Variants in EIF4G2 observed in about 807,000 individuals in gnomAD.
EIF4G2 encodes the protein DAP-5.
EIF4G2 carries 8 observed loss-of-function variants against 117.7 expected under a neutral mutation model. That is an observed-to-expected ratio of 0.07 (90% CI 0.04 to 0.12). EIF4G2 has a LOEUF of 0.12. Among genes scored for constraint, EIF4G2 ranks in the 10% least tolerant of loss-of-function variants. The pLI is 1.00. For synonymous variants in EIF4G2, 413 were observed against 367.8 expected (o/e 1.12, Z -1.41); for missense variants, 812 against 1,086.2 (o/e 0.75, Z 3.55).
intron 14 of EIF4G2, 110 bp from the exon 15 acceptor site, chr11:10,801,197 C>G: frequency 6.8e-7 from 1 of 1,474,932 alleles, no homozygotes; most frequent in South Asian, 1.4e-5. Flanking sequence ...AAACATTAAG[C>G]TTTTTGAAAA....
rs764439302 is a variant in EIF4G2, at chr11:10,804,219, T to C, written c.484-16A>G. 100 of 1,613,372 alleles carry C rather than the reference T, an allele frequency of 6.2e-5. No individual in the cohort carries two copies. Among genetic ancestry groups the C allele is most frequent in the Middle Eastern group, 1.6e-4 (1 of 6,084 alleles). On this transcript the variant is annotated splice_polypyrimidine_tract_variant and intron_variant, in intron 6 of 21. Transcript: ENST00000339995. ...GTCTGAATGTCTGGAAAAGAAGACA[T>C]TGTCATGCTTTATTAAGGAAATTTT...
At chr11:10,807,733 A>C in intron 1 of EIF4G2, 6 of 992,966 alleles carry the variant, frequency 6.0e-6, no homozygotes, top group African/African-American at 1.7e-5. Context: ...CTGCCCTAGG[A>C]ATTTTTACTG....
intron 19 of EIF4G2, 27 bp from the exon 20 acceptor site, chr11:10,799,451 C>A: frequency 1.9e-6 from 3 of 1,610,922 alleles, no homozygotes; most frequent in South Asian, 2.2e-5. Flanking sequence ...CTTGTTAGAA[C>A]CCAACAGTGA....
Position 10,802,352 on chromosome 11 carries a change from C to T in EIF4G2, c.1080G>A (p.Arg360=). Reference sequence around the variant, plus strand: ...CAAGTGGGTCCCTATCCATTTTCATCCTGGGTGGCATGAACGGTCCCTCCA... The same window carrying T: ...CAAGTGGGTCCCTATCCATTTTCATTCTGGGTGGCATGAACGGTCCCTCCA... The change falls in exon 12 of 22, where the codon AGG becomes AGA. Residue 360 remains arginine (R), a synonymous_variant. Coordinates refer to ENST00000339995, the MANE Select transcript of EIF4G2 (RefSeq NM_001418.4). 6.2e-7 allele frequency: 1 copy of T among 1,614,010 alleles called. No homozygotes were observed. The highest frequency in any genetic ancestry group is 8.5e-7 in the Non-Finnish European group (1 of 1,179,986).
Position 10,807,355 on chromosome 11 carries a change from G to A in EIF4G2, c.-60C>T. 1.2e-6 allele frequency: 2 copies of A among 1,610,428 alleles called. No individual in the cohort carries two copies. Among genetic ancestry groups the A allele is most frequent in the Non-Finnish European group, 1.7e-6 (2 of 1,179,416 alleles). On this transcript the variant is annotated 5_prime_UTR_variant, in exon 2 of 22. Coordinates refer to ENST00000339995, the MANE Select transcript of EIF4G2 (RefSeq NM_001418.4). ...ATAATATTAATAGATGGGGTGGGGA[G>A]GGGAGGGGACAGGAGAAATGAAATA...
At chr11:10,806,542 A>G (rs939818709) in intron 3 of EIF4G2, 58 of 422,652 alleles carry the variant, frequency 1.4e-4, no homozygotes, top group African/African-American at 1.1e-3. Context: ...TACTAATAAC[A>G]ATCAGTAGGA....
intron 13 of EIF4G2, 81 bp downstream of exon 13, chr11:10,801,966 CTA>C (rs1224603506): frequency 6.1e-6 from 3 of 495,568 alleles, no homozygotes; most frequent in Non-Finnish European, 7.0e-6. Flanking sequence ...TAATACTTTA[CTA>C]ATCTTAAGGA....
intron 3 of EIF4G2, 175 bp from the exon 4 acceptor site, chr11:10,806,222 C>T (rs1847564951): frequency 2.4e-6 from 2 of 827,728 alleles, no homozygotes; most frequent in Non-Finnish European, 3.7e-6. Context: ...ACCTGAAGGG[C>T]TTGTTAATAC....
intron 13 of EIF4G2, 130 bp from the exon 14 acceptor site, chr11:10,801,904 A>G: frequency 9.0e-7 from 1 of 1,114,224 alleles, no homozygotes; most frequent in Non-Finnish European, 1.3e-6. Context: ...GTAAAAGATG[A>G]AACAGGGAAG....
At chr11:10,804,718 C>CT in intron 5 of EIF4G2, 195 bp downstream of exon 5, 3 of 607,116 alleles carry the variant, frequency 4.9e-6, no homozygotes, top group Non-Finnish European at 8.6e-6. Context: ...ATACCATGAA[C>CT]TTAACATTTA....
intron 21 of EIF4G2, 96 bp downstream of exon 21, chr11:10,798,896 T>TAC (rs1194372996): frequency 2.1e-6 from 3 of 1,430,668 alleles, no homozygotes; most frequent in African/African-American, 2.9e-5. Flanking sequence ...TAACTAGGAC[T>TAC]ACCTTGCCTG....
rs540668267 is a variant in EIF4G2, at chr11:10,807,388, C to G, written c.-86-7G>C. The G allele has an allele frequency of 2.5e-6, 4 of 1,590,544 alleles. No individual in the cohort carries two copies. The highest frequency in any genetic ancestry group is 2.7e-5 in the African/African-American group (2 of 73,842). On this transcript the variant is annotated splice_polypyrimidine_tract_variant and splice_region_variant and intron_variant, in intron 1 of 21. Transcript: ENST00000339995. ...GACAGGAGAAATGAAATACCTGGAA[C>G]GAGAAAGAGCACCAAAATTAGACAC...
Position 10,797,231 on chromosome 11 carries a change from T to A in EIF4G2, c.*585A>T, listed in dbSNP as rs1047838898. ...AAGGGCATTAACGATCTCTCAAAAC[T>A]GATCAGTTTTGTGCAAGTAAACCAT... is the stretch of plus-strand genomic sequence containing the variant. On this transcript the variant is annotated 3_prime_UTR_variant, in exon 22 of 22. Transcript: ENST00000339995. This position sits in a 1 kb window ranked among gnomAD's most constrained non-coding sequence, Gnocchi z 4.5. 6.5e-6 allele frequency: 1 copy of A among 152,990 alleles called. No individual in the cohort carries two copies. Among genetic ancestry groups the A allele is most frequent in the Admixed American group, 6.5e-5 (1 of 15,298 alleles). The allele number at this position is 152,990 out of a possible 1,614,324, so 9.5% of individuals were successfully genotyped here.
At position 10,797,821 on chromosome 11, in the gene EIF4G2, C is replaced by T; in HGVS notation, c.2719G>A (p.Asp907Asn). 6.2e-7 allele frequency: 1 copy of T among 1,613,984 alleles called. No homozygotes were observed. The highest frequency in any genetic ancestry group is 8.5e-7 in the Non-Finnish European group (1 of 1,179,980). ...TTAAGGCTTTGGCTGGTTCTTTAGT[C>T]AGCTTCTTCCTCTGATTCTTCTTCT... The change falls in exon 22 of 22, where the codon GAC (aspartate) becomes AAC (asparagine). Residue 907 changes from aspartate to asparagine, a missense_variant. Asp to Asn is a conservative substitution (Grantham distance 23, BLOSUM62 1). This residue lies in a region of EIF4G2 where 8 missense variants were observed against 30.3 expected (regional missense o/e 0.26). Transcript: ENST00000339995. The surrounding 1 kb of genome is among the most constrained non-coding windows in gnomAD (Gnocchi z 4.5).
intron 1 of EIF4G2, chr11:10,808,151 T>C (rs1193771315): frequency 1.8e-6 from 2 of 1,096,726 alleles, no homozygotes; most frequent in East Asian, 1.1e-4. Flanking sequence ...TCCTGCACCA[T>C]AAATCCCCCC....
rs150879624 is a variant in EIF4G2, at chr11:10,802,367, C to T, written c.1065G>A (p.Pro355=). Residue 355 remains proline (P), a synonymous_variant, in exon 12 of 22, where the codon CCG becomes CCA. Coordinates refer to ENST00000339995, the MANE Select transcript of EIF4G2 (RefSeq NM_001418.4). ...CCATTTTCATCCTGGGTGGCATGAA[C>T]GGTCCCTCCAGAAAGAAGTCACTTC... The T allele has an allele frequency of 1.4e-5, 23 of 1,614,016 alleles. No individual in the cohort carries two copies. Among genetic ancestry groups the T allele is most frequent in the East Asian group, 2.2e-5 (1 of 44,886 alleles).
rs774876230 is a variant in EIF4G2 at position 10,801,426 on chromosome 11, T to G, written c.1413+235A>C. 4 of 669,718 alleles carry G rather than the reference T, an allele frequency of 6.0e-6. No homozygotes were observed. In the South Asian group the frequency reaches 6.6e-5, roughly 11 times the overall value. 41.5% of individuals were successfully genotyped at this position (669,718 alleles called of 1,614,324 possible). ...CTTACAAAGAAAGAAACCACAATATTTTGACAACCAGTTTTCTTGCTCTAA... is the reference window on the plus strand; with the variant it reads ...CTTACAAAGAAAGAAACCACAATATGTTGACAACCAGTTTTCTTGCTCTAA... On this transcript the variant is annotated intron_variant, in intron 14 of 21. Coordinates refer to ENST00000339995, the MANE Select transcript of EIF4G2 (RefSeq NM_001418.4).
At position 10,799,116 on chromosome 11, in the gene EIF4G2, T is replaced by TAAAAAAAAAAAAAAAAA; in HGVS notation, c.2537-20_2537-4dup. On this transcript the variant is annotated splice_polypyrimidine_tract_variant and splice_region_variant and intron_variant, in intron 20 of 21. Transcript: ENST00000339995. ...CACAAAAAAGCGAAGTAACATGCCT[T>TAAAAAAAAAAAAAAAAA]AAAAAAAAAAAAAAAAAGAAAAAAG... 1.4e-6 allele frequency: 2 copies of TAAAAAAAAAAAAAAAAA among 1,468,484 alleles called. No individual in the cohort carries two copies. The highest frequency in any genetic ancestry group is 1.3e-5 in the South Asian group (1 of 76,456). 91.0% of individuals were successfully genotyped at this position (1,468,484 alleles called of 1,614,324 possible).
intron 3 of EIF4G2, chr11:10,806,453 T>A (rs1322447010): frequency 3.0e-6 from 1 of 329,560 alleles, no homozygotes; most frequent in Non-Finnish European, 5.6e-6. Context: ...GTTGTTGGGA[T>A]TACAGGTGTG....
Sources: gnomAD v4.1 joint callset for allele counts on GRCh38, gnomAD v4.1.1 for gene constraint, gnomAD v4.1.1 regional missense constraint, Gnocchi (gnomAD v3.1) non-coding constraint, MANE v1.5 for transcripts, NCBI Gene and HGNC (gene_info 2026-07-23, HGNC 2026-07-21) for gene names.